USP15: variants seen among roughly 807,000 people sequenced by gnomAD.
The protein encoded by USP15 is ubiquitin specific peptidase 15.
Under a neutral mutation model 127.1 loss-of-function variants are expected in USP15, and 18 were observed. The observed-to-expected ratio is 0.14, with a 90% CI of 0.10 to 0.21. The LOEUF is 0.21. USP15 is among the 10% of genes least tolerant of loss of function. USP15 has a pLI of 1.00. For missense variants in USP15, 805 were observed against 1,159.9 expected, an observed-to-expected ratio of 0.69 and a Z score of 4.44; for synonymous variants, 364 against 393.7, an observed-to-expected ratio of 0.92 and a Z score of 0.89.
chr12:62,326,197 A>G (rs1265948524), intron 6 of USP15, among the ~76,000 whole-genome samples: 1 of 152,216 alleles, frequency 6.6e-6, no homozygotes, highest in African/African-American at 2.4e-5. Context: ...TGTCTGATAC[A>G]GTCAAATCAT....
chr12:62,273,356 C>G (rs2063392370), intron 1 of USP15, among the ~76,000 whole-genome samples: 2 of 152,040 alleles, frequency 1.3e-5, no homozygotes, highest in South Asian at 2.1e-4. Flanking sequence ...TACTTTTCCT[C>G]TCTCCTCCAC....
At chr12:62,274,784 A>G (rs2063440433) in intron 1 of USP15, among the ~76,000 whole-genome samples, 1 of 152,210 alleles carries the variant, frequency 6.6e-6, no homozygotes. Flanking sequence ...TTATATAAAC[A>G]TTAAACATTT....
At chr12:62,293,056 C>G (rs759548484) in intron 1 of USP15, among the ~76,000 whole-genome samples, 77 of 152,238 alleles carry the variant, frequency 5.1e-4, no homozygotes, top group Non-Finnish European at 8.2e-4. Context: ...GGTGAGCAAC[C>G]CAGCGTGAGC....
rs1171132451 is a variant in USP15 at position 62,404,680 on chromosome 12, T to G, written c.*305T>G. 1 of 176,006 alleles carries G rather than the reference T, an allele frequency of 5.7e-6. No homozygotes were observed. Among genetic ancestry groups the G allele is most frequent in the Non-Finnish European group, 1.2e-5 (1 of 84,526 alleles). The allele number at this position is 176,006 out of a possible 1,614,324, so 10.9% of individuals were successfully genotyped here. On this transcript the variant is annotated 3_prime_UTR_variant, in exon 22 of 22. Coordinates refer to ENST00000280377, the MANE Select transcript of USP15 (RefSeq NM_001252078.2). ...ATTAATTATGTTTCCTTTAATTTTT[T>G]GGATGTGAGTTGATGACAAATGTTA...
intron 8 of USP15, among the ~76,000 whole-genome samples, chr12:62,355,714 A>T (rs1464229959): frequency 6.6e-6 from 1 of 151,792 alleles, no homozygotes; most frequent in East Asian, 1.9e-4. Flanking sequence ...TCACTTTGCA[A>T]AAATATAATA....
chr12:62,297,514 A>G (rs2064167584), intron 2 of USP15, among the ~76,000 whole-genome samples: 1 of 152,180 alleles, frequency 6.6e-6, no homozygotes, highest in South Asian at 2.1e-4. Flanking sequence ...TCTGGTCTGC[A>G]GTATGATGTA....
At chr12:62,269,327 T>TAG (rs2063283133) in intron 1 of USP15, among the ~76,000 whole-genome samples, 1 of 151,960 alleles carries the variant, frequency 6.6e-6, no homozygotes, top group African/African-American at 2.4e-5. Context: ...GGTAAGTATA[T>TAG]ATATATGTGT....
At chr12:62,275,061 G>A (rs1592469798) in intron 1 of USP15, among the ~76,000 whole-genome samples, 2 of 152,120 alleles carry the variant, frequency 1.3e-5, no homozygotes, top group East Asian at 3.9e-4. Flanking sequence ...ATGTTATGGA[G>A]CGGGGAATAT....
chr12:62,333,134 A>T (rs1382938075), intron 6 of USP15, among the ~76,000 whole-genome samples: 1 of 152,248 alleles, frequency 6.6e-6, no homozygotes, highest in Admixed American at 6.5e-5. Context: ...AATTATTAAA[A>T]TACATGTTGG....
chr12:62,291,335 A>G (rs2063961988), intron 1 of USP15, among the ~76,000 whole-genome samples: 1 of 152,014 alleles, frequency 6.6e-6, no homozygotes, highest in Non-Finnish European at 1.5e-5. Context: ...TCCTTGATCT[A>G]GTTTATTGTT....
intron 8 of USP15, among the ~76,000 whole-genome samples, chr12:62,369,166 A>T (rs537214210): frequency 6.6e-6 from 1 of 152,320 alleles, no homozygotes; most frequent in African/African-American, 2.4e-5. Context: ...ATGTCATGGA[A>T]GCAAAGTTCT....
At chr12:62,283,373 G>T (rs565251346) in intron 1 of USP15, among the ~76,000 whole-genome samples, 1 of 151,992 alleles carries the variant, frequency 6.6e-6, no homozygotes, top group Non-Finnish European at 1.5e-5. Context: ...AAGCTAATAA[G>T]CAGCATTTAT....
At chr12:62,266,865 A>G (rs1461282303) in intron 1 of USP15, among the ~76,000 whole-genome samples, 1 of 152,270 alleles carries the variant, frequency 6.6e-6, no homozygotes, top group African/African-American at 2.4e-5. Context: ...TTACACTTAC[A>G]TAGCCTTTAA....
chr12:62,394,632 A>G (rs2067427256), intron 19 of USP15, among the ~76,000 whole-genome samples: 1 of 152,088 alleles, frequency 6.6e-6, no homozygotes, highest in Non-Finnish European at 1.5e-5. Context: ...GGTGGATCAC[A>G]AGGTCAGGAG....
chr12:62,400,907 T>A (rs1380430583), intron 20 of USP15, among the ~76,000 whole-genome samples: 2 of 152,118 alleles, frequency 1.3e-5, no homozygotes, highest in Non-Finnish European at 2.9e-5. Context: ...ACATGAATGT[T>A]AATTACCATT....
rs569285302 is a variant in USP15, at chr12:62,264,859, C to G, written c.89+4356C>G. ...TTACTATTACTTTTAAAATTAGTTTCAGTAGTGCCAGGGTGTTTACGACCA... is the reference window on the plus strand; with the variant it reads ...TTACTATTACTTTTAAAATTAGTTTGAGTAGTGCCAGGGTGTTTACGACCA... On this transcript the variant is annotated intron_variant, in intron 1 of 21. Transcript: ENST00000280377. Among the ~76,000 whole-genome samples the G allele has an allele frequency of 2.6e-5, 4 of 152,238 alleles. No homozygotes were observed. In the South Asian group the frequency reaches 8.3e-4, roughly 32 times the overall value.
chr12:62,325,100 G>C (rs1017616154), intron 5 of USP15, among the ~76,000 whole-genome samples: 1 of 151,886 alleles, frequency 6.6e-6, no homozygotes, highest in African/African-American at 2.4e-5. Flanking sequence ...TTTTTGCTAA[G>C]TTTTTCTTCT....
chr12:62,390,084 AATT>A, intron 14 of USP15, 96 bp downstream of exon 14: 5 of 1,233,340 alleles, frequency 4.1e-6, no homozygotes, highest in Non-Finnish European at 5.4e-6. Context: ...ATTGGAATAT[AATT>A]ATTCAAGTCT....
chr12:62,349,003 A>T (rs1451901608), intron 6 of USP15, among the ~76,000 whole-genome samples: 1 of 152,146 alleles, frequency 6.6e-6, no homozygotes, highest in Non-Finnish European at 1.5e-5. Flanking sequence ...ATTTAATTTG[A>T]TAAATTTTAT....
Sources: gnomAD v4.1 joint callset for allele counts (sites outside exome capture counted in the v4.1 genomes callset) on GRCh38, gnomAD v4.1.1 for gene constraint, MANE v1.5 for transcripts, NCBI Gene and HGNC (gene_info 2026-07-23, HGNC 2026-07-21) for gene names.